The following ADAMTS3 variants were observed in gnomAD, a reference collection of about 807,000 sequenced individuals.
The protein encoded by ADAMTS3 is ADAM metallopeptidase with thrombospondin type 1 motif 3, also known as A disintegrin and metalloproteinase with thrombospondin motifs 3.
Under a neutral mutation model 129.0 loss-of-function variants are expected in ADAMTS3, and 73 were observed. The ratio of observed to expected loss-of-function variants is 0.57; its 90% confidence interval spans 0.47 to 0.69. The LOEUF is 0.69. ADAMTS3 is among the 30% of genes least tolerant of loss of function. ADAMTS3 has a pLI of 0.00. For missense variants in ADAMTS3, 1,457 were observed against 1,514.5 expected (o/e 0.96, Z 0.63); for synonymous variants, 477 against 510.8 (o/e 0.93, Z 0.89).
At chr4:72,475,321 A>C (rs868129229) in intron 3 of ADAMTS3, among the ~76,000 whole-genome samples, 1 of 152,056 alleles carries the variant, frequency 6.6e-6, no homozygotes, top group African/African-American at 2.4e-5. Context: ...CAATATATAC[A>C]TAATGCACAT....
At chr4:72,454,629 G>T (rs2109973988) in intron 3 of ADAMTS3, among the ~76,000 whole-genome samples, 1 of 151,714 alleles carries the variant, frequency 6.6e-6, no homozygotes, top group East Asian at 2.0e-4. Context: ...CCTTCTCCTT[G>T]GCAATATCTC....
chr4:72,319,525 A>G (rs1719496661), intron 8 of ADAMTS3, 50 bp from the exon 9 acceptor site: 1 of 1,556,528 alleles, frequency 6.4e-7, no homozygotes, highest in Middle Eastern at 1.7e-4. Context: ...TACTGCCTTC[A>G]CTTAATTTTG....
At chr4:72,324,498 T>C (rs1444922892) in intron 5 of ADAMTS3, among the ~76,000 whole-genome samples, 2 of 152,176 alleles carry the variant, frequency 1.3e-5, no homozygotes, top group Admixed American at 6.5e-5. Context: ...TAACAAAGTA[T>C]AACTTGAAAA....
At chr4:72,512,790 A>C (rs948330345) in intron 3 of ADAMTS3, among the ~76,000 whole-genome samples, 1 of 152,194 alleles carries the variant, frequency 6.6e-6, no homozygotes, top group Admixed American at 6.5e-5. Context: ...CCTAAAATTT[A>C]CATTCATTTT....
At chr4:72,333,197 C>T (rs1167125496) in intron 5 of ADAMTS3, among the ~76,000 whole-genome samples, 1 of 152,090 alleles carries the variant, frequency 6.6e-6, no homozygotes, top group Non-Finnish European at 1.5e-5. Context: ...TAGTGTAAGC[C>T]TTCACTATTA....
chr4:72,476,250 G>T (rs1674276208), intron 3 of ADAMTS3, among the ~76,000 whole-genome samples: 1 of 151,840 alleles, frequency 6.6e-6, no homozygotes, highest in African/African-American at 2.4e-5. Flanking sequence ...AAAGAAGAAA[G>T]GAGGCATGAG....
At position 72,406,665 on chromosome 4, in the gene ADAMTS3, C is replaced by G. The variant is rs188174164; in HGVS notation, c.661+8150G>C. Among the ~76,000 whole-genome samples, 166 of 152,214 alleles carry G rather than the reference C, an allele frequency of 1.1e-3. 2 individuals are homozygous for G. The highest frequency in any genetic ancestry group is 3.9e-3 in the African/African-American group (160 of 41,550). On this transcript the variant is annotated intron_variant, in intron 4 of 21. Transcript: ENST00000286657. The stretch of plus-strand genomic sequence containing the variant: ...TGCTTTTATGTACACTGCAAGTGGG[C>G]TGAGCAAATATTCAGGTCCTGAGTC...
At position 72,320,880 on chromosome 4, in the gene ADAMTS3, A is replaced by G. The variant is rs757542426; in HGVS notation, c.946-10T>C. ...CTATGAGGCTGATGGACTAAGTGAA[A>G]ACAATATGTTAAAGACACACCTGAC... On this transcript the variant is annotated splice_polypyrimidine_tract_variant and intron_variant, in intron 6 of 21. Transcript: ENST00000286657. 1.2e-6 allele frequency: 2 copies of G among 1,612,538 alleles called. No homozygotes were observed. Among genetic ancestry groups the G allele is most frequent in the Non-Finnish European group, 1.7e-6 (2 of 1,179,428 alleles).
In ADAMTS3 at chr4:72,339,526, C is replaced by T. The variant is rs200255750; in HGVS notation, c.829G>A (p.Val277Ile). The change falls in exon 5 of 22, where the codon GTC becomes ATC. Residue 277 changes from valine to isoleucine, a missense_variant. Physicochemically the swap from Val to Ile is conservative, Grantham distance 29 (BLOSUM62 3). Transcript: ENST00000286657. ...SVVRFHGKEH[V>I]QNYLLTLMNI... ...ATTAGGGTCAGGAGGTAGTTTTGGA[C>T]GTGCTCTTTGCCATGGAAACGGACC... 30 of 1,613,786 alleles carry T rather than the reference C, an allele frequency of 1.9e-5. 1 individual carries two copies. In the Admixed American group the frequency reaches 2.7e-4, roughly 14 times the overall value.
chr4:72,530,415 A>T (rs1158106746), intron 3 of ADAMTS3, among the ~76,000 whole-genome samples: 28 of 85,200 alleles, frequency 3.3e-4, no homozygotes, highest in East Asian at 1.1e-3. Context: ...TTAATATATA[A>T]TATATATTAA....
At chr4:72,485,748 T>C (rs1719573911) in intron 3 of ADAMTS3, among the ~76,000 whole-genome samples, 1 of 152,164 alleles carries the variant, frequency 6.6e-6, no homozygotes, top group South Asian at 2.1e-4. Context: ...CCCCTCAAAA[T>C]TCATACGTTG....
chr4:72,555,038 T>G (rs1409921267), intron 2 of ADAMTS3, among the ~76,000 whole-genome samples: 1 of 151,818 alleles, frequency 6.6e-6, no homozygotes. Context: ...TTAATGTCAC[T>G]ACATTATTCC....
chr4:72,355,456 T>C (rs898913804), intron 4 of ADAMTS3, among the ~76,000 whole-genome samples: 1 of 152,020 alleles, frequency 6.6e-6, no homozygotes, highest in Non-Finnish European at 1.5e-5. Context: ...AAAGCTGCAA[T>C]ATAAATCACC....
chr4:72,288,300 A>G (rs975703358), intron 21 of ADAMTS3, among the ~76,000 whole-genome samples: 3 of 152,338 alleles, frequency 2.0e-5, no homozygotes, highest in South Asian at 4.1e-4. Context: ...AAGTTACTCT[A>G]TGGACAGACA....
intron 3 of ADAMTS3, among the ~76,000 whole-genome samples, chr4:72,520,547 G>A (rs1031875367): frequency 1.4e-4 from 21 of 152,174 alleles, no homozygotes; most frequent in Non-Finnish European, 2.2e-4. Context: ...GGGCAATGGC[G>A]GGCGCCCCTC....
At chr4:72,529,974 T>A (rs1411054144) in intron 3 of ADAMTS3, among the ~76,000 whole-genome samples, 1 of 1,098 alleles carries the variant, frequency 9.1e-4, no homozygotes, top group Non-Finnish European at 0.013. Context: ...TATATTTATA[T>A]ATAAATATAA....
rs1399910185 is a variant in ADAMTS3, at chr4:72,568,720, C to T, written c.43G>A (p.Glu15Lys). The change falls in exon 1 of 22, where the codon GAG becomes AAG. Residue 15 changes from glutamate (E) to lysine (K), a missense_variant. Physicochemically the swap from Glu to Lys is moderately conservative, Grantham distance 56. Transcript: ENST00000286657. ...TGTCCATCAGCTGAAGTCCTAACCT[C>T]TACCAGAGCGGCTGCTATCAACCAA... Reference protein sequence around the residue: ...SLWLIAAALVEVRTSADGQAG... With the variant: ...SLWLIAAALVKVRTSADGQAG... 3.1e-6 allele frequency: 5 copies of T among 1,613,894 alleles called. No homozygotes were observed. In the South Asian group the frequency reaches 5.5e-5, roughly 18 times the overall value.
intron 3 of ADAMTS3, among the ~76,000 whole-genome samples, chr4:72,462,762 TA>T (rs1333788175): frequency 6.6e-6 from 1 of 151,742 alleles, no homozygotes; most frequent in Non-Finnish European, 1.5e-5. Context: ...AAAAAGAAAA[TA>T]TTTTTGTAGA....
chr4:72,288,536 G>A (rs1718570294), intron 21 of ADAMTS3, among the ~76,000 whole-genome samples: 2 of 152,142 alleles, frequency 1.3e-5, no homozygotes, highest in African/African-American at 4.8e-5. Flanking sequence ...AGCCAGAAAT[G>A]GCAGGGCTAT....
Sources: allele counts gnomAD v4.1 joint callset (sites outside exome capture counted in the v4.1 genomes callset), GRCh38; gene constraint gnomAD v4.1.1; transcripts MANE v1.5; gene names NCBI Gene and HGNC (gene_info 2026-07-23, HGNC 2026-07-21).